The following MYH10 variants were observed in gnomAD, a reference collection of about 807,000 sequenced individuals.
MYH10 encodes myosin heavy chain 10.
Under a neutral mutation model 257.8 loss-of-function variants are expected in MYH10, and 55 were observed. That is an observed-to-expected ratio of 0.21 (90% confidence interval 0.17 to 0.27). The LOEUF is 0.27. Among genes scored for constraint, MYH10 ranks in the 10% least tolerant of loss-of-function variants. The pLI is 1.00. For synonymous variants in MYH10, 854 were observed against 921.7 expected, an observed-to-expected ratio of 0.93 and a Z score of 1.33; for missense variants, 1,631 against 2,500.6, an observed-to-expected ratio of 0.65 and a Z score of 7.42.
At chr17:8,530,775 CT>C in intron 16 of MYH10, 90 bp from the exon 17 acceptor site, 1 of 1,003,014 alleles carries the variant, frequency 1.0e-6, no homozygotes, top group Non-Finnish European at 1.5e-6. Flanking sequence ...CACAAGTCAA[CT>C]TTGAAATCGG....
chr17:8,541,569 T>C (rs949577836), intron 14 of MYH10, among the ~76,000 whole-genome samples: 1 of 152,032 alleles, frequency 6.6e-6, no homozygotes, highest in Admixed American at 6.5e-5. Flanking sequence ...TTACAGAACA[T>C]TAAACCACCA....
At chr17:8,614,317 T>A (rs1449926467) in intron 2 of MYH10, among the ~76,000 whole-genome samples, 10 of 137,416 alleles carry the variant, frequency 7.3e-5, no homozygotes, top group African/African-American at 2.8e-4. Flanking sequence ...CTTTTTTTTT[T>A]TTTTTTTTTT....
At chr17:8,593,805 A>G (rs1409129573) in intron 3 of MYH10, among the ~76,000 whole-genome samples, 1 of 152,182 alleles carries the variant, frequency 6.6e-6, no homozygotes, top group Non-Finnish European at 1.5e-5. Flanking sequence ...TTAGCAGGAT[A>G]TTTTGGGCAA....
intron 8 of MYH10, 116 bp downstream of exon 8, chr17:8,553,839 T>TG: frequency 2.5e-6 from 2 of 796,752 alleles, no homozygotes; most frequent in Admixed American, 4.5e-5. Context: ...ATGCTATCTC[T>TG]GGGCTCAAGT....
At chr17:8,599,154 T>C (rs760479479) in intron 3 of MYH10, among the ~76,000 whole-genome samples, 94 of 152,356 alleles carry the variant, frequency 6.2e-4, no homozygotes, top group Non-Finnish European at 1.2e-3. Context: ...TTATTGCTAA[T>C]ATCTTGTCTT....
chr17:8,592,970 T>TATATATATATATATA (rs1567953268), intron 3 of MYH10, among the ~76,000 whole-genome samples: 21 of 121,956 alleles, frequency 1.7e-4, no homozygotes, highest in Non-Finnish European at 3.1e-4. Flanking sequence ...TATATATATA[T>TATATATATATATATA]AAAAGATGAT....
At chr17:8,524,249 T>C (rs2081758371) in intron 17 of MYH10, among the ~76,000 whole-genome samples, 1 of 151,864 alleles carries the variant, frequency 6.6e-6, no homozygotes, top group African/African-American at 2.4e-5. Flanking sequence ...GAGACCAGCC[T>C]GGCCAACATG....
At chr17:8,508,813 C>T (rs974635384) in intron 25 of MYH10, 136 bp from the exon 26 acceptor site, 6 of 974,350 alleles carry the variant, frequency 6.2e-6, no homozygotes, top group African/African-American at 4.9e-5. Flanking sequence ...AGACTGTACA[C>T]AATCACATGC....
chr17:8,477,118 G>A lies in MYH10; in HGVS notation c.5707-70C>T. On this transcript the variant is annotated intron_variant, in intron 41 of 42. Transcript: ENST00000360416. The surrounding 1 kb of genome is among the most constrained non-coding windows in gnomAD (Gnocchi z 4.2). Reference sequence around the variant, plus strand: ...CAGTGTCGGCCTCTCTGTACCCCGAGCGTGGCAGTGTGGGGCTCTGCCTGT... The same window carrying A: ...CAGTGTCGGCCTCTCTGTACCCCGAACGTGGCAGTGTGGGGCTCTGCCTGT... 1 of 1,565,090 alleles carries A rather than the reference G, an allele frequency of 6.4e-7. No homozygotes were observed. The highest frequency in any genetic ancestry group is 8.7e-7 in the Non-Finnish European group (1 of 1,146,332).
Position 8,554,259 on chromosome 17 carries a change from A to G in MYH10, c.757-241T>C, listed in dbSNP as rs577843940. On this transcript the variant is annotated intron_variant, in intron 7 of 42. Transcript: ENST00000360416. ...AAAATTAGAAATTATTAATAAAAGA[A>G]AGTAGTGAGATCCCAGTCATTCAGA... The G allele has an allele frequency of 3.5e-5, 9 of 259,510 alleles. No homozygotes were observed. In the Admixed American group the frequency reaches 3.5e-4, roughly 10 times the overall value. The allele number at this position is 259,510 out of a possible 1,614,324, so 16.1% of individuals were successfully genotyped here.
intron 17 of MYH10, among the ~76,000 whole-genome samples, chr17:8,524,387 T>C (rs1597732987): frequency 1.5e-5 from 2 of 131,438 alleles, no homozygotes; most frequent in Admixed American, 1.8e-4. Flanking sequence ...GAAGCGGAGG[T>C]CGCAGTAAGC....
At chr17:8,500,092 C>T (rs574466384) in intron 29 of MYH10, among the ~76,000 whole-genome samples, 7 of 152,280 alleles carry the variant, frequency 4.6e-5, no homozygotes, top group South Asian at 2.1e-4. Context: ...GAAGGCAACT[C>T]GTGTAGGGTA....
At chr17:8,629,502 C>T (rs1226511196) in intron 1 of MYH10, among the ~76,000 whole-genome samples, 2 of 152,150 alleles carry the variant, frequency 1.3e-5, no homozygotes, top group African/African-American at 2.4e-5. Context: ...TTCCTAAGGC[C>T]CTAGTTCCAA....
chr17:8,544,388 T>G (rs1323266792), intron 13 of MYH10, among the ~76,000 whole-genome samples: 1 of 152,184 alleles, frequency 6.6e-6, no homozygotes, highest in Non-Finnish European at 1.5e-5. Flanking sequence ...TTTGTTGCAG[T>G]TGGAAATGTG....
intron 28 of MYH10, among the ~76,000 whole-genome samples, chr17:8,502,842 C>G (rs1191185387): frequency 6.6e-6 from 1 of 152,148 alleles, no homozygotes; most frequent in Non-Finnish European, 1.5e-5. Flanking sequence ...GAAAAATGAT[C>G]AGAACCTTAT....
At chr17:8,481,492 G>T (rs532933004) in intron 37 of MYH10, 82 bp from the exon 38 acceptor site, 13 of 1,243,100 alleles carry the variant, frequency 1.0e-5, no homozygotes, top group Non-Finnish European at 1.5e-5. Flanking sequence ...GAGCTACAGC[G>T]ACCTTGCTCC....
intron 7 of MYH10, among the ~76,000 whole-genome samples, chr17:8,562,029 C>T (rs2083015575): frequency 6.6e-6 from 1 of 152,184 alleles, no homozygotes; most frequent in Admixed American, 6.5e-5. Flanking sequence ...AGCCAAAGCA[C>T]TAACATGTAT....
intron 9 of MYH10, 124 bp downstream of exon 9, chr17:8,551,922 T>C (rs893383771): frequency 1.3e-5 from 6 of 458,840 alleles, no homozygotes; most frequent in Admixed American, 1.2e-4. Flanking sequence ...TTTTCATGAT[T>C]TAACCAGCTG....
At chr17:8,516,669 T>TA (rs1197883323) in intron 21 of MYH10, among the ~76,000 whole-genome samples, 1 of 152,252 alleles carries the variant, frequency 6.6e-6, no homozygotes, top group Non-Finnish European at 1.5e-5. Context: ...TCGATAGTTG[T>TA]AGCATGTTTC....
Sources: allele counts gnomAD v4.1 joint callset (sites outside exome capture counted in the v4.1 genomes callset), GRCh38; gene constraint gnomAD v4.1.1; non-coding constraint Gnocchi (gnomAD v3.1); transcripts MANE v1.5; gene names NCBI Gene and HGNC (gene_info 2026-07-23, HGNC 2026-07-21).